The following MAGEC3 variants were observed in gnomAD, a reference collection of about 807,000 sequenced individuals.
MAGEC3 encodes the protein melanoma-associated antigen C3.
Under a neutral mutation model 35.3 loss-of-function variants are expected in MAGEC3, and 34 were observed. The observed-to-expected ratio is 0.96, with a 90% confidence interval of 0.73 to 1.28. MAGEC3 has a LOEUF of 1.28. MAGEC3 is among the 50% of genes most tolerant of loss of function. The pLI is 0.00. For synonymous variants in MAGEC3, 202 were observed against 185.6 expected (o/e 1.09, Z -0.72); for missense variants, 561 against 483.6 (o/e 1.16, Z -1.50).
chrX:141,841,897 A>C (rs765658958), intron 1 of MAGEC3, among the ~76,000 whole-genome samples: 1 of 112,087 alleles, frequency 8.9e-6, no homozygotes, highest in East Asian at 2.8e-4. Context: ...CTCATAAAAC[A>C]TCCTTCTATT....
intron 6 of MAGEC3, chrX:141,896,571 A>G: frequency 1.2e-5 from 14 of 1,189,514 alleles, no homozygotes; most frequent in Middle Eastern, 2.4e-4. Flanking sequence ...TCACACTGTC[A>G]CTGTCTTCCT....
chrX:141,881,559 G>C lies in MAGEC3; in HGVS notation c.672G>C (p.Met224Ile). ...ACACATACACGGGCTACTTTCCTAT[G>C]ATCTTCAGGAAAGCCCGTGAGTTCA... The part of the protein sequence containing the change: ...VINTYTGYFP[M>I]IFRKAREFIE... The change falls in exon 4 of 8, where the codon ATG becomes ATC. Residue 224 changes from methionine to isoleucine, a missense_variant. Transcript: ENST00000298296. The C allele has an allele frequency of 8.3e-7, 1 of 1,211,230 alleles. No individual in the cohort carries two copies. Among genetic ancestry groups the C allele is most frequent in the Middle Eastern group, 2.3e-4 (1 of 4,346 alleles).
intron 4 of MAGEC3, among the ~76,000 whole-genome samples, chrX:141,891,509 CA>C (rs945624066): frequency 4.2e-4 from 45 of 107,815 alleles, no homozygotes; most frequent in African/African-American, 1.2e-3. Context: ...ATTATTGTTG[CA>C]AAAAAAATGA....
chrX:141,858,853 T>C (rs889208751), intron 1 of MAGEC3, among the ~76,000 whole-genome samples: 1 of 110,973 alleles, frequency 9.0e-6, no homozygotes, highest in East Asian at 2.8e-4. Flanking sequence ...AAATAATGAG[T>C]GTGGCTGGGT....
chrX:141,890,674 G>A (rs773604713), intron 4 of MAGEC3, among the ~76,000 whole-genome samples: 1 of 112,351 alleles, frequency 8.9e-6, no homozygotes, highest in African/African-American at 3.2e-5. Flanking sequence ...TCAAGGTAAT[G>A]TTGGCATTCC....
chrX:141,863,225 A>G (rs887554352), intron 1 of MAGEC3, among the ~76,000 whole-genome samples: 3 of 111,670 alleles, frequency 2.7e-5, no homozygotes, highest in Non-Finnish European at 5.6e-5. Context: ...AAAAAATCCT[A>G]CAGAGTATAT....
At chrX:141,888,143 C>T (rs949118422) in intron 4 of MAGEC3, among the ~76,000 whole-genome samples, 2 of 112,248 alleles carry the variant, frequency 1.8e-5, no homozygotes, top group Admixed American at 1.9e-4. Flanking sequence ...ACCCCTGCCA[C>T]CCTGCCTTCT....
chrX:141,874,853 AAC>A (rs1184304379), intron 2 of MAGEC3, among the ~76,000 whole-genome samples: 9 of 110,558 alleles, frequency 8.1e-5, no homozygotes, highest in African/African-American at 3.0e-4. Flanking sequence ...AAACACACTA[AAC>A]ACACTGTTTT....
intron 6 of MAGEC3, chrX:141,896,633 G>T: frequency 8.3e-7 from 1 of 1,201,703 alleles, no homozygotes; most frequent in Non-Finnish European, 1.1e-6. Flanking sequence ...TTTACCTGCT[G>T]CTCCTGAACA....
intron 4 of MAGEC3, among the ~76,000 whole-genome samples, chrX:141,893,537 T>G (rs2018058861): frequency 1.8e-5 from 2 of 110,268 alleles, no homozygotes; most frequent in Admixed American, 1.9e-4. Flanking sequence ...GTTGAGTGAT[T>G]CCTGATGTAA....
intron 1 of MAGEC3, chrX:141,838,892 A>C (rs2017669260): frequency 1.4e-6 from 1 of 740,614 alleles, no homozygotes. Flanking sequence ...GCTCCAGGAC[A>C]GTGCTCAGTC....
chrX:141,895,846 G>C (rs1602634226), intron 6 of MAGEC3, among the ~76,000 whole-genome samples: 1 of 110,735 alleles, frequency 9.0e-6, no homozygotes, highest in East Asian at 2.9e-4. Context: ...GGCCCTGCTG[G>C]TGATAAGAGT....
chrX:141,850,307 C>G (rs1000324302), intron 1 of MAGEC3, among the ~76,000 whole-genome samples: 6 of 110,500 alleles, frequency 5.4e-5, no homozygotes, highest in Non-Finnish European at 1.1e-4. Context: ...GATCTATACT[C>G]CAACCTCAGC....
chrX:141,839,546 G>T, intron 1 of MAGEC3: 2 of 753,575 alleles, frequency 2.7e-6, no homozygotes, highest in South Asian at 1.4e-4. Context: ...GCTAATCCTG[G>T]GCAGGCTTTG....
intron 2 of MAGEC3, among the ~76,000 whole-genome samples, chrX:141,877,607 A>G (rs980579586): frequency 8.9e-6 from 1 of 111,793 alleles, no homozygotes; most frequent in African/African-American, 3.3e-5. Flanking sequence ...TCTTTGGATT[A>G]CTACACTGGC....
Position 141,860,944 on chromosome X carries a change from C to T in MAGEC3, c.124-4527C>T, listed in dbSNP as rs746546722. Among the ~76,000 whole-genome samples the T allele has an allele frequency of 5.0e-4, 56 of 111,414 alleles. 1 individual carries two copies. Among genetic ancestry groups the T allele is most frequent in the Middle Eastern group, 4.6e-3 (1 of 219 alleles). On this transcript the variant is annotated intron_variant, in intron 1 of 7. Transcript: ENST00000298296. ...CTGTATACTTAGAAATCATAGCATT[C>T]GCAGCAACCTGGATTGAGTTGGAGA... is the stretch of plus-strand genomic sequence containing the variant.
intron 1 of MAGEC3, among the ~76,000 whole-genome samples, chrX:141,858,708 T>TA (rs1173848809): frequency 1.8e-5 from 2 of 110,464 alleles, no homozygotes; most frequent in Non-Finnish European, 3.8e-5. Flanking sequence ...AAGCCCTTGT[T>TA]AAAAACCGAA....
At chrX:141,892,615 G>T (rs922495662) in intron 4 of MAGEC3, among the ~76,000 whole-genome samples, 1 of 110,709 alleles carries the variant, frequency 9.0e-6, no homozygotes, top group Non-Finnish European at 1.9e-5. Flanking sequence ...AATTGTCTAT[G>T]GGGAAATGAT....
intron 1 of MAGEC3, among the ~76,000 whole-genome samples, chrX:141,842,490 T>G (rs1296005359): frequency 8.9e-6 from 1 of 111,912 alleles, no homozygotes; most frequent in Non-Finnish European, 1.9e-5. Context: ...AATGAACTTG[T>G]GATGAAATGT....
Sources: allele counts gnomAD v4.1 joint callset (sites outside exome capture counted in the v4.1 genomes callset), GRCh38; gene constraint gnomAD v4.1.1; transcripts MANE v1.5; gene names NCBI Gene and HGNC (gene_info 2026-07-23, HGNC 2026-07-21).